Variants in HIC2 observed in about 807,000 individuals in gnomAD.
HIC2 encodes the protein HIC ZBTB transcriptional repressor 2.
HIC2 carries 2 observed loss-of-function variants against 39.5 expected under a neutral mutation model. The observed-to-expected ratio is 0.05, with a 90% CI of 0.02 to 0.16. The LOEUF (loss-of-function observed/expected upper bound fraction) is 0.16, where lower values mean the gene tolerates loss of function less well. HIC2 is among the 10% of genes least tolerant of loss of function. The pLI is 1.00. For synonymous variants in HIC2, 399 were observed against 368.8 expected, an observed-to-expected ratio of 1.08 and a Z score of -0.94; for missense variants, 713 against 863.5, an observed-to-expected ratio of 0.83 and a Z score of 2.18.
intron 1 of HIC2, among the ~76,000 whole-genome samples, chr22:21,425,472 C>A (rs1923196219): frequency 6.8e-6 from 1 of 147,678 alleles, no homozygotes; most frequent in Non-Finnish European, 1.5e-5. Context: ...GGGTTCAAGT[C>A]ATTCTCGTGC....
rs775402572 is a variant in HIC2 at position 21,446,066 on chromosome 22, C to T, written c.1171C>T (p.Pro391Ser). 9.3e-6 allele frequency: 15 copies of T among 1,605,758 alleles called. No individual in the cohort carries two copies. The highest frequency in any genetic ancestry group is 2.7e-5 in the African/African-American group (2 of 74,880). Reference protein sequence around the residue: ...GAGPSGPYGEPPYPCKEEEEN... With the variant: ...GAGPSGPYGESPYPCKEEEEN... The stretch of plus-strand genomic sequence containing the variant: ...TGGCCCTAGCGGGCCCTATGGGGAG[C>T]CCCCCTACCCCTGCAAGGAGGAGGA... Residue 391 changes from proline (P) to serine (S), a missense_variant, in exon 3 of 3, where the codon CCC becomes TCC. Transcript: ENST00000407464.
At chr22:21,425,698 G>A (rs558224837) in intron 1 of HIC2, among the ~76,000 whole-genome samples, 19 of 143,348 alleles carry the variant, frequency 1.3e-4, no homozygotes, top group Non-Finnish European at 2.1e-4. Flanking sequence ...CTGCCACCAC[G>A]CCTGGTTAAT....
intron 2 of HIC2, among the ~76,000 whole-genome samples, chr22:21,444,544 ATT>A (rs895803804): frequency 2.0e-5 from 3 of 152,118 alleles, no homozygotes; most frequent in African/African-American, 7.2e-5. Flanking sequence ...CCATCTGGTC[ATT>A]TTTGGGTCCC....
At position 21,450,078 on chromosome 22, in the gene HIC2, C is replaced by CT. The variant is rs1924084486; in HGVS notation, c.*3337dup. On this transcript the variant is annotated 3_prime_UTR_variant, in exon 3 of 3. Transcript: ENST00000407464. ...TACCAACATAGACGGTGCAAACACT[C>CT]TTAACAGTGTTGTTTTTGTATCAAT... 6.5e-6 allele frequency: 1 copy of CT among 152,812 alleles called. No individual in the cohort carries two copies. The highest frequency in any genetic ancestry group is 1.5e-5 in the Non-Finnish European group (1 of 68,052). The allele number at this position is 152,812 out of a possible 1,614,324, so 9.5% of individuals were successfully genotyped here. A position where few individuals can be genotyped will look rare whatever the true frequency, so the allele number is the denominator to read the frequency against.
chr22:21,450,684 C>G lies in HIC2; in HGVS notation c.*3941C>G, dbSNP rs1924134354. ...AAAGGGACCAAGGTCCTCCTATTTC[C>G]CAGAACCCCGTTGGGGCAGATGTTA... On this transcript the variant is annotated 3_prime_UTR_variant, in exon 3 of 3. Coordinates refer to ENST00000407464, the MANE Select transcript of HIC2 (RefSeq NM_015094.3). The G allele has an allele frequency of 6.5e-6, 1 of 152,818 alleles. No individual in the cohort carries two copies. The highest frequency in any genetic ancestry group is 6.5e-5 in the Admixed American group (1 of 15,290). 9.5% of individuals were successfully genotyped at this position (152,818 alleles called of 1,614,324 possible). A position where few individuals can be genotyped will look rare whatever the true frequency, so the allele number is the denominator to read the frequency against.
intron 1 of HIC2, among the ~76,000 whole-genome samples, chr22:21,432,701 A>G (rs1167215406): frequency 2.7e-5 from 4 of 145,896 alleles, no homozygotes; most frequent in East Asian, 1.9e-4. Flanking sequence ...AAAAAAGTCA[A>G]TTGGACCTTA....
chr22:21,446,699 C>T lies in HIC2; in HGVS notation c.1804C>T (p.Arg602Cys), dbSNP rs1923860216. ...GTGCGGGGGCAAGTTCACCCAGCAG[C>T]GCAACCTCATCAGCCACCTGCGCAT... is the stretch of plus-strand genomic sequence containing the variant. The part of the protein sequence containing the change: ...QLCGGKFTQQ[R>C]NLISHLRMHT... The change falls in exon 3 of 3, where the codon CGC (arginine) becomes TGC (cysteine). Residue 602 changes from arginine (R) to cysteine (C), a missense_variant. Coordinates refer to ENST00000407464, the MANE Select transcript of HIC2 (RefSeq NM_015094.3). 1 of 1,612,588 alleles carries T rather than the reference C, an allele frequency of 6.2e-7. No homozygotes were observed. Among genetic ancestry groups the T allele is most frequent in the Non-Finnish European group, 8.5e-7 (1 of 1,178,938 alleles).
chr22:21,446,580 C>T lies in HIC2; in HGVS notation c.1685C>T (p.Ala562Val). Residue 562 changes from alanine to valine, a missense_variant, in exon 3 of 3, where the codon GCC becomes GTC. This residue lies in a region of HIC2 where 40 missense variants were observed against 124.4 expected (regional missense o/e 0.32). Transcript: ENST00000407464. ...MRSHLGLKPF[A>V]CDECGMRFTR... ...AGCCACCTGGGCCTGAAGCCCTTCG[C>T]CTGCGATGAGTGTGGCATGCGCTTC... is the stretch of plus-strand genomic sequence containing the variant. 6.2e-7 allele frequency: 1 copy of T among 1,613,600 alleles called. No individual in the cohort carries two copies. The highest frequency in any genetic ancestry group is 8.5e-7 in the Non-Finnish European group (1 of 1,180,032).
chr22:21,444,943 C>G lies in HIC2; in HGVS notation c.48C>G (p.Arg16=). The part of the protein sequence containing the change: ...LALRWCAWAG[R]GDMGPDMELP... ...ACAGGTGGTGCGCGTGGGCAGGGCGCGGGGACATGGGGCCCGACATGGAGC... is the reference window on the plus strand; with the variant it reads ...ACAGGTGGTGCGCGTGGGCAGGGCGGGGGGACATGGGGCCCGACATGGAGC... Residue 16 remains arginine (R), a synonymous_variant, in exon 3 of 3, where the codon CGC becomes CGG. Transcript: ENST00000407464. The G allele has an allele frequency of 6.2e-7, 1 of 1,612,598 alleles. No individual in the cohort carries two copies. The highest frequency in any genetic ancestry group is 8.5e-7 in the Non-Finnish European group (1 of 1,179,766).
intron 2 of HIC2, among the ~76,000 whole-genome samples, chr22:21,443,085 TG>T (rs1375954502): frequency 6.6e-6 from 1 of 152,158 alleles, no homozygotes; most frequent in East Asian, 1.9e-4. Context: ...TGATGTTTTC[TG>T]GGGGCTAGGT....
At position 21,450,626 on chromosome 22, in the gene HIC2, C is replaced by G. The variant is rs1393370133; in HGVS notation, c.*3883C>G. On this transcript the variant is annotated 3_prime_UTR_variant, in exon 3 of 3. Coordinates refer to ENST00000407464, the MANE Select transcript of HIC2 (RefSeq NM_015094.3). ...AAGCCAAAGGTGCCAGGCCTTAGAG[C>G]AGACAAGGGCTCTCAGCCCTGGCAT... 1 of 152,848 alleles carries G rather than the reference C, an allele frequency of 6.5e-6. No homozygotes were observed. Among genetic ancestry groups the G allele is most frequent in the South Asian group, 2.1e-4 (1 of 4,834 alleles). 9.5% of individuals were successfully genotyped at this position (152,848 alleles called of 1,614,324 possible).
Position 21,445,360 on chromosome 22 carries a change from C to A in HIC2, c.465C>A (p.Gly155=). 6.4e-7 allele frequency: 1 copy of A among 1,570,140 alleles called. No homozygotes were observed. Among genetic ancestry groups the A allele is most frequent in the South Asian group, 1.2e-5 (1 of 82,474 alleles). The change falls in exon 3 of 3, where the codon GGC becomes GGA. Residue 155 remains glycine, a synonymous_variant. Transcript: ENST00000407464. ...PFGSGRAGST[G]MGRPPRSQRL... ...GCTCTGGGAGGGCGGGGTCCACTGG[C>A]ATGGGGCGGCCCCCCCGCAGCCAGC...
rs763125805 is a variant in HIC2, at chr22:21,445,915, C to T, written c.1020C>T (p.Gly340=). Residue 340 remains glycine, a synonymous_variant, in exon 3 of 3, where the codon GGC becomes GGT. Transcript: ENST00000407464. Reference sequence around the variant, plus strand: ...ACTCCACTCGGAAGAAGGAGTGGGGCAAGAAGGAGCCTGTGGCTGGCTCCC... The same window carrying T: ...ACTCCACTCGGAAGAAGGAGTGGGGTAAGAAGGAGCCTGTGGCTGGCTCCC... ...LRHSTRKKEW[G]KKEPVAGSPF... 6.3e-7 allele frequency: 1 copy of T among 1,596,618 alleles called. No individual in the cohort carries two copies. The highest frequency in any genetic ancestry group is 8.5e-7 in the Non-Finnish European group (1 of 1,172,732).
intron 1 of HIC2, among the ~76,000 whole-genome samples, chr22:21,438,241 T>C (rs1313774123): frequency 1.3e-5 from 2 of 152,290 alleles, no homozygotes; most frequent in Non-Finnish European, 2.9e-5. Flanking sequence ...GCGTGAGATG[T>C]GTTCCTGTCT....
In HIC2 at chr22:21,445,464, A is replaced by G. The variant is rs760278495; in HGVS notation, c.569A>G (p.Glu190Gly). 1.1e-5 allele frequency: 17 copies of G among 1,544,252 alleles called. 1 individual carries two copies. Among genetic ancestry groups the G allele is most frequent in the Non-Finnish European group, 1.4e-5 (16 of 1,151,736 alleles). Reference sequence around the variant, plus strand: ...CGCAAGGGGGCCCACGCCCCCCAGGAGCTCCCCCAAGCCAAAGGCTCAGAC... The same window carrying G: ...CGCAAGGGGGCCCACGCCCCCCAGGGGCTCCCCCAAGCCAAAGGCTCAGAC... ...DGRKGAHAPQ[E>G]LPQAKGSDDE... The change falls in exon 3 of 3, where the codon GAG (glutamate) becomes GGG (glycine). Residue 190 changes from glutamate (E) to glycine (G), a missense_variant. Transcript: ENST00000407464.
chr22:21,443,181 T>C (rs1434307237), intron 2 of HIC2, among the ~76,000 whole-genome samples: 2 of 151,992 alleles, frequency 1.3e-5, no homozygotes, highest in Non-Finnish European at 2.9e-5. Context: ...TGGAGGAGGA[T>C]TGGTTCACGA....
In HIC2 at chr22:21,446,161, C is replaced by T. The variant is rs368137788; in HGVS notation, c.1266C>T (p.Ser422=). The stretch of plus-strand genomic sequence containing the variant: ...GCGAGGGGGGCAGCGGCCATGCCAG[C>T]GCCCACTACATGTACCGGCAGGAGG... ...SGSEGGSGHA[S]AHYMYRQEGY... Residue 422 remains serine, a synonymous_variant, in exon 3 of 3, where the codon AGC becomes AGT. Transcript: ENST00000407464. 62 of 1,609,422 alleles carry T rather than the reference C, an allele frequency of 3.9e-5. No homozygotes were observed. The highest frequency in any genetic ancestry group is 4.6e-5 in the Non-Finnish European group (54 of 1,179,952).
rs1309100589 is a variant in HIC2 at position 21,445,171 on chromosome 22, G to C, written c.276G>C (p.Val92=). 1 of 1,614,078 alleles carries C rather than the reference G, an allele frequency of 6.2e-7. No homozygotes were observed. Residue 92 remains valine, a synonymous_variant, in exon 3 of 3, where the codon GTG becomes GTC. Transcript: ENST00000407464. The part of the protein sequence containing the change: ...NLDTDMVSST[V]FQQILDFIYT... ...ACACAGACATGGTCAGCTCCACAGTGTTCCAGCAGATCTTGGACTTCATCT... is the reference window on the plus strand; with the variant it reads ...ACACAGACATGGTCAGCTCCACAGTCTTCCAGCAGATCTTGGACTTCATCT...
rs772427954 is a variant in HIC2, at chr22:21,446,647, G to A, written c.1752G>A (p.Ser584=). ...YRLTEHMRVH[S]GEKPYECQLC... is the part of the protein sequence containing the mutation. ...TCACGGAGCACATGCGTGTGCACTC[G>A]GGCGAGAAACCTTACGAGTGCCAGC... Residue 584 remains serine (S), a synonymous_variant, in exon 3 of 3, where the codon TCG becomes TCA. Transcript: ENST00000407464. The A allele has an allele frequency of 2.1e-5, 34 of 1,613,724 alleles. No individual in the cohort carries two copies. Among genetic ancestry groups the A allele is most frequent in the Middle Eastern group, 1.6e-4 (1 of 6,084 alleles).
Sources: gnomAD v4.1 joint callset for allele counts (sites outside exome capture counted in the v4.1 genomes callset) on GRCh38, gnomAD v4.1.1 for gene constraint, gnomAD v4.1.1 regional missense constraint, MANE v1.5 for transcripts, NCBI Gene and HGNC (gene_info 2026-07-23, HGNC 2026-07-21) for gene names.